Variants in ARHGEF11 observed in about 807,000 individuals in gnomAD.
ARHGEF11 encodes Rho guanine exchange factor (GEF) 11.
ARHGEF11 carries 55 observed loss-of-function variants against 193.7 expected under a neutral mutation model. The observed-to-expected ratio is 0.28, with a 90% CI of 0.23 to 0.36. The LOEUF is 0.36. Ranked by LOEUF, ARHGEF11 falls within the 10% of genes least tolerant of loss-of-function variation. ARHGEF11 has a pLI of 1.00. For synonymous variants in ARHGEF11, 693 were observed against 768.0 expected, an observed-to-expected ratio of 0.90 and a Z score of 1.62; for missense variants, 1,723 against 2,005.6, an observed-to-expected ratio of 0.86 and a Z score of 2.69.
chr1:157,043,271 T>C (rs1411750160), intron 1 of ARHGEF11, among the ~76,000 whole-genome samples: 1 of 152,222 alleles, frequency 6.6e-6, no homozygotes, highest in Non-Finnish European at 1.5e-5. Context: ...TCCTTTCATT[T>C]GCTTGTTCAG....
Position 156,978,378 on chromosome 1 carries a change from G to T in ARHGEF11, c.336C>A (p.Gly112=). The change falls in exon 6 of 41, where the codon GGC becomes GGA. Residue 112 remains glycine, a synonymous_variant. Coordinates refer to ENST00000368194, the MANE Select transcript of ARHGEF11 (RefSeq NM_198236.3). ...CCAGGAGGGTGAGTGCGACATAGGCGCCAGCTAGAGGGAAACAGAGAGAGA... is the reference window on the plus strand; with the variant it reads ...CCAGGAGGGTGAGTGCGACATAGGCTCCAGCTAGAGGGAAACAGAGAGAGA... ...HLEVVKLIKS[G]AYVALTLLGS... is the part of the protein sequence containing the mutation. 1 of 1,594,834 alleles carries T rather than the reference G, an allele frequency of 6.3e-7. No individual in the cohort carries two copies. The highest frequency in any genetic ancestry group is 8.5e-7 in the Non-Finnish European group (1 of 1,170,786).
At chr1:156,963,894 C>T in intron 11 of ARHGEF11, 3 of 602,682 alleles carry the variant, frequency 5.0e-6, no homozygotes, top group Non-Finnish European at 7.1e-6. Context: ...TGGGGTGGGA[C>T]TGTCAGTCAA....
At chr1:156,947,689 T>C (rs941322450) in intron 25 of ARHGEF11, 80 bp downstream of exon 25, 4 of 1,541,064 alleles carry the variant, frequency 2.6e-6, no homozygotes, top group South Asian at 1.2e-5. Context: ...TTTACCTCTT[T>C]CCCACCCTTG....
intron 21 of ARHGEF11, among the ~76,000 whole-genome samples, chr1:156,954,561 C>T (rs1170431845): frequency 1.3e-5 from 2 of 152,188 alleles, no homozygotes; most frequent in African/African-American, 4.8e-5. Context: ...GGAAAAACTG[C>T]CAGAGGAACC....
chr1:157,020,040 C>G (rs928404825), intron 1 of ARHGEF11, among the ~76,000 whole-genome samples: 1 of 151,050 alleles, frequency 6.6e-6, no homozygotes, highest in African/African-American at 2.4e-5. Context: ...GGCAGAATAG[C>G]GTGAACCTGG....
At chr1:156,984,295 T>A (rs1163798275) in intron 3 of ARHGEF11, 44 bp downstream of exon 3, 2 of 1,474,350 alleles carry the variant, frequency 1.4e-6, no homozygotes, top group Admixed American at 4.0e-5. Context: ...CATGGTGGCT[T>A]TGCAAGAACT....
chr1:157,015,161 CA>C (rs1466000925), intron 1 of ARHGEF11, among the ~76,000 whole-genome samples: 1 of 152,146 alleles, frequency 6.6e-6, no homozygotes, highest in Non-Finnish European at 1.5e-5. Context: ...CAATTTGATA[CA>C]AATTGTCTAT....
At chr1:156,999,366 G>A (rs917164592) in intron 1 of ARHGEF11, among the ~76,000 whole-genome samples, 4 of 152,066 alleles carry the variant, frequency 2.6e-5, no homozygotes, top group Non-Finnish European at 4.4e-5. Context: ...TCCTCTCCCT[G>A]TGCCTTGGCC....
rs1654938793 is a variant in ARHGEF11 at position 156,935,810 on chromosome 1, T to C, written c.*190A>G. On this transcript the variant is annotated 3_prime_UTR_variant, in exon 41 of 41. Transcript: ENST00000368194. ...TTGGGCTAAGGGAGGGAAAAGACAC[T>C]GAAACCTGACTCCGACTTGAGCAGA... is the stretch of plus-strand genomic sequence containing the variant. 1.6e-6 allele frequency: 1 copy of C among 631,524 alleles called. No homozygotes were observed. Among genetic ancestry groups the C allele is most frequent in the Non-Finnish European group, 2.7e-6 (1 of 367,570 alleles). 39.1% of individuals were successfully genotyped at this position (631,524 alleles called of 1,614,324 possible).
intron 1 of ARHGEF11, among the ~76,000 whole-genome samples, chr1:157,038,754 C>T (rs1009649190): frequency 3.9e-5 from 6 of 152,136 alleles, no homozygotes; most frequent in South Asian, 4.1e-4. Context: ...CCAGGCCTGG[C>T]GTGGTGGCTT....
At chr1:157,013,263 T>TCACACA (rs71084208) in intron 1 of ARHGEF11, among the ~76,000 whole-genome samples, 2,973 of 140,722 alleles carry the variant, frequency 0.021, 74 homozygotes, top group African/African-American at 0.047. Flanking sequence ...CCACTATCAC[T>TCACACA]CACACACACA....
chr1:156,966,337 T>C (rs890612786), intron 11 of ARHGEF11, among the ~76,000 whole-genome samples: 1 of 152,220 alleles, frequency 6.6e-6, no homozygotes, highest in African/African-American at 2.4e-5. Flanking sequence ...ATAAATATGC[T>C]TTCACTGCAA....
chr1:156,975,326 G>A (rs1279555646), intron 7 of ARHGEF11, among the ~76,000 whole-genome samples: 3 of 152,180 alleles, frequency 2.0e-5, no homozygotes, highest in Non-Finnish European at 4.4e-5. Flanking sequence ...ATCTTCCCAT[G>A]CTTATTGGCC....
chr1:156,937,463 G>C lies in ARHGEF11; in HGVS notation c.4226C>G (p.Pro1409Arg). The change falls in exon 39 of 41, where the codon CCC becomes CGC. Residue 1409 changes from proline to arginine, a missense_variant. By Grantham distance (103) the Pro-to-Arg change is moderately radical. Transcript: ENST00000368194. ...NCFYVSMPSG[P>R]PDSSTDHSEA... Reference sequence around the variant, plus strand: ...TGAGTGGTCGGTGCTTGAGTCCGGGGGTCCTGATGGCATGCTGACATAAAA... The same window carrying C: ...TGAGTGGTCGGTGCTTGAGTCCGGGCGTCCTGATGGCATGCTGACATAAAA... The C allele has an allele frequency of 6.5e-7, 1 of 1,536,334 alleles. No individual in the cohort carries two copies. The highest frequency in any genetic ancestry group is 8.7e-7 in the Non-Finnish European group (1 of 1,145,040).
At position 156,947,968 on chromosome 1, in the gene ARHGEF11, C is replaced by T. The variant is rs373719053; in HGVS notation, c.2154-12G>A. 6.2e-7 allele frequency: 1 copy of T among 1,610,796 alleles called. No homozygotes were observed. The highest frequency in any genetic ancestry group is 1.1e-5 in the South Asian group (1 of 90,956). ...GGGACTCAATGCTCCTGGGGGAAAA[C>T]AGGCAGCTCAGCTTCATTTAGGAGG... On this transcript the variant is annotated splice_polypyrimidine_tract_variant and intron_variant, in intron 24 of 40. Coordinates refer to ENST00000368194, the MANE Select transcript of ARHGEF11 (RefSeq NM_198236.3).
chr1:157,001,252 G>A (rs1667173690), intron 1 of ARHGEF11, among the ~76,000 whole-genome samples: 3 of 152,046 alleles, frequency 2.0e-5, no homozygotes, highest in Non-Finnish European at 4.4e-5. Flanking sequence ...TGTTTCTTTA[G>A]CACCAAGTCT....
chr1:156,971,758 C>A lies in ARHGEF11; in HGVS notation c.641G>T (p.Gly214Val), dbSNP rs201893831. 2.6e-5 allele frequency: 42 copies of A among 1,613,858 alleles called. No homozygotes were observed. Among genetic ancestry groups the A allele is most frequent in the Non-Finnish European group, 2.9e-5 (34 of 1,180,022 alleles). The change falls in exon 8 of 41, where the codon GGT becomes GTT. Residue 214 changes from glycine to valine, a missense_variant. Physicochemically the swap from Gly to Val is moderately radical, Grantham distance 109. Transcript: ENST00000368194. The part of the protein sequence containing the change: ...PASLLEEQIE[G>V]ARRRVTQLQL... ...TAACTGAGTGACTCGCCGCCGGGCA[C>A]CTTCGATCTGCTCTTCCAGTAGGCT... is the stretch of plus-strand genomic sequence containing the variant.
rs1165351255 is a variant in ARHGEF11, at chr1:156,959,029, T to C, written c.1379+17A>G. On this transcript the variant is annotated intron_variant, in intron 16 of 40. Transcript: ENST00000368194. ...GGTGAACGAGGAGAGAGGTGGGAGGTCAGCTCCTGGGCCAACCTGTAGTCG... is the reference window on the plus strand; with the variant it reads ...GGTGAACGAGGAGAGAGGTGGGAGGCCAGCTCCTGGGCCAACCTGTAGTCG... The C allele has an allele frequency of 3.1e-6, 5 of 1,613,648 alleles. No individual in the cohort carries two copies. The highest frequency in any genetic ancestry group is 4.2e-6 in the Non-Finnish European group (5 of 1,179,800).
chr1:156,953,643 CAG>C (rs1295475542), intron 21 of ARHGEF11, among the ~76,000 whole-genome samples: 2 of 152,040 alleles, frequency 1.3e-5, no homozygotes, highest in African/African-American at 4.8e-5. Context: ...ATTGCAGTAA[CAG>C]AATAGTTTCC....
Sources: gnomAD v4.1 joint callset for allele counts (sites outside exome capture counted in the v4.1 genomes callset) on GRCh38, gnomAD v4.1.1 for gene constraint, MANE v1.5 for transcripts, NCBI Gene and HGNC (gene_info 2026-07-23, HGNC 2026-07-21) for gene names.